Variants in TMEM200A observed in about 807,000 individuals in gnomAD.
TMEM200A encodes two transmembrane C.
TMEM200A carries 12 observed loss-of-function variants against 24.3 expected under a neutral mutation model. That is an observed-to-expected ratio of 0.49 (90% confidence interval 0.32 to 0.80). The LOEUF (loss-of-function observed/expected upper bound fraction) is 0.80, where lower values mean the gene tolerates loss of function less well. TMEM200A is among the 30% of genes least tolerant of loss of function. The pLI is 0.04. For synonymous variants in TMEM200A, 224 were observed against 224.4 expected, an observed-to-expected ratio of 1.00 and a Z score of 0.02; for missense variants, 545 against 614.4, an observed-to-expected ratio of 0.89 and a Z score of 1.19.
intron 1 of TMEM200A, among the ~76,000 whole-genome samples, chr6:130,380,723 A>G (rs1778576278): frequency 6.6e-6 from 1 of 152,228 alleles, no homozygotes; most frequent in African/African-American, 2.4e-5. Flanking sequence ...AAAAAATTCA[A>G]AATCAGCCTT....
chr6:130,429,683 TTA>T (rs1491561262), intron 2 of TMEM200A, among the ~76,000 whole-genome samples: 1 of 152,124 alleles, frequency 6.6e-6, no homozygotes, highest in Non-Finnish European at 1.5e-5. Flanking sequence ...GGAGAATGTT[TTA>T]AATATAATCT....
chr6:130,422,809 C>G (rs1386779084), intron 2 of TMEM200A, among the ~76,000 whole-genome samples: 1 of 152,082 alleles, frequency 6.6e-6, no homozygotes, highest in African/African-American at 2.4e-5. Flanking sequence ...CCCTTTCAAC[C>G]AACTATTTAA....
At chr6:130,390,724 G>C (rs1778814252) in intron 2 of TMEM200A, among the ~76,000 whole-genome samples, 1 of 152,178 alleles carries the variant, frequency 6.6e-6, no homozygotes, top group Non-Finnish European at 1.5e-5. Context: ...ATATCTGCTA[G>C]AATCAGATAT....
At chr6:130,408,297 C>A (rs1354998243) in intron 2 of TMEM200A, among the ~76,000 whole-genome samples, 1 of 152,156 alleles carries the variant, frequency 6.6e-6, no homozygotes, top group African/African-American at 2.4e-5. Context: ...GGCACTTTCC[C>A]AGATATTTTC....
intron 2 of TMEM200A, among the ~76,000 whole-genome samples, chr6:130,413,558 C>G (rs1779381131): frequency 1.3e-5 from 2 of 152,282 alleles, no homozygotes; most frequent in South Asian, 4.1e-4. Context: ...CTTGTCCTTT[C>G]ACCCGCCATG....
chr6:130,384,320 A>C (rs960586709), intron 1 of TMEM200A, among the ~76,000 whole-genome samples: 1 of 151,984 alleles, frequency 6.6e-6, no homozygotes, highest in African/African-American at 2.4e-5. Flanking sequence ...CTGTGTTTTT[A>C]TTTTTGTTTT....
At chr6:130,392,110 C>T (rs73771824) in intron 2 of TMEM200A, among the ~76,000 whole-genome samples, 3,839 of 152,216 alleles carry the variant, frequency 0.025, 167 homozygotes, top group African/African-American at 0.087. Context: ...TATTTAATAA[C>T]CCAGTGACCT....
At chr6:130,403,272 A>G (rs1779128553) in intron 2 of TMEM200A, among the ~76,000 whole-genome samples, 1 of 152,152 alleles carries the variant, frequency 6.6e-6, no homozygotes, top group South Asian at 2.1e-4. Flanking sequence ...AATTTTGATT[A>G]CAGTAGATCA....
At chr6:130,436,661 T>TTTTTTTTTTTTTTG (rs1583233845) in intron 2 of TMEM200A, among the ~76,000 whole-genome samples, 2 of 120,748 alleles carry the variant, frequency 1.7e-5, no homozygotes, top group Admixed American at 8.7e-5. Context: ...TTTTTTTTTT[T>TTTTTTTTTTTTTTG]TCAGAGAGAC....
intron 1 of TMEM200A, among the ~76,000 whole-genome samples, chr6:130,383,894 G>A (rs942585897): frequency 6.6e-6 from 1 of 152,118 alleles, no homozygotes; most frequent in Non-Finnish European, 1.5e-5. Context: ...GAGACGGGGG[G>A]GATCCCTTGA....
rs778891537 is a variant in TMEM200A at position 130,440,415 on chromosome 6, G to A, written c.-8G>A. ...TTTTTTTTCTTCTTCAGAGTAAAAG[G>A]CCAAGCTATGATAGCAACTGGTGGA... On this transcript the variant is annotated 5_prime_UTR_variant, in exon 3 of 3. Transcript: ENST00000296978. The A allele has an allele frequency of 4.6e-6, 7 of 1,537,396 alleles. No homozygotes were observed. Among genetic ancestry groups the A allele is most frequent in the Admixed American group, 2.2e-5 (1 of 45,288 alleles).
At chr6:130,421,107 C>T (rs192956934) in intron 2 of TMEM200A, 1 of 152,188 alleles carries the variant, frequency 6.6e-6, no homozygotes, top group Non-Finnish European at 1.5e-5. Context: ...AGCTCAGTGG[C>T]TCTCAAACCT....
rs371342424 is a variant in TMEM200A at position 130,391,818 on chromosome 6, C to T, written c.-17+6582C>T. On this transcript the variant is annotated intron_variant, in intron 2 of 2. Coordinates refer to ENST00000296978, the MANE Select transcript of TMEM200A (RefSeq NM_001258277.2). ...AGTGCAGTGGCACGATCTCGGCTCACTGCAAGCTCCACCTCCTGGGTTAAC... is the reference window on the plus strand; with the variant it reads ...AGTGCAGTGGCACGATCTCGGCTCATTGCAAGCTCCACCTCCTGGGTTAAC... Among the ~76,000 whole-genome samples, 11 of 141,176 alleles carry T rather than the reference C, an allele frequency of 7.8e-5. No individual in the cohort carries two copies. In the East Asian group the frequency reaches 1.5e-3, roughly 19 times the overall value. 92.6% of individuals were successfully genotyped at this position (141,176 alleles called of 152,430 possible).
At chr6:130,412,280 C>T (rs1779350271) in intron 2 of TMEM200A, among the ~76,000 whole-genome samples, 1 of 151,768 alleles carries the variant, frequency 6.6e-6, no homozygotes, top group Admixed American at 6.6e-5. Flanking sequence ...GTATTGCCGC[C>T]ACTCACAGGC....
chr6:130,426,471 C>CG (rs878942964), intron 2 of TMEM200A, among the ~76,000 whole-genome samples: 14 of 149,428 alleles, frequency 9.4e-5, no homozygotes, highest in African/African-American at 3.2e-4. Context: ...CCCCCCCCCC[C>CG]TCAGTTTCCC....
chr6:130,420,724 G>A (rs1423274771), intron 2 of TMEM200A, among the ~76,000 whole-genome samples: 1 of 152,220 alleles, frequency 6.6e-6, no homozygotes, highest in East Asian at 1.9e-4. Flanking sequence ...AAGTAACAGT[G>A]AGTGAAGAAC....
rs1283078291 is a variant in TMEM200A, at chr6:130,441,326, G to A, written c.904G>A (p.Glu302Lys). The change falls in exon 3 of 3, where the codon GAG becomes AAG. Residue 302 changes from glutamate to lysine, a missense_variant. By Grantham distance (56) the Glu-to-Lys change is moderately conservative (BLOSUM62 1). Transcript: ENST00000296978. ...VIKLNNCVID[E>K]PSIDNITEDA... The stretch of plus-strand genomic sequence containing the variant: ...CAAACTTAATAACTGTGTTATTGAT[G>A]AGCCCAGTATAGATAACATCACTGA... 4 of 1,614,048 alleles carry A rather than the reference G, an allele frequency of 2.5e-6. No homozygotes were observed. The highest frequency in any genetic ancestry group is 3.4e-6 in the Non-Finnish European group (4 of 1,179,984).
intron 1 of TMEM200A, among the ~76,000 whole-genome samples, chr6:130,384,218 GA>G (rs778817178): frequency 3.3e-4 from 51 of 152,284 alleles, no homozygotes; most frequent in Non-Finnish European, 4.1e-4. Context: ...TACCGTTTGT[GA>G]ATGCTTTTTG....
chr6:130,398,835 A>C (rs892862222), intron 2 of TMEM200A, among the ~76,000 whole-genome samples: 1 of 151,786 alleles, frequency 6.6e-6, no homozygotes, highest in African/African-American at 2.4e-5. Context: ...TTTTATAGTA[A>C]ATTCTTATTG....
Sources: gnomAD v4.1 joint callset for allele counts (sites outside exome capture counted in the v4.1 genomes callset) on GRCh38, gnomAD v4.1.1 for gene constraint, MANE v1.5 for transcripts, NCBI Gene and HGNC (gene_info 2026-07-23, HGNC 2026-07-21) for gene names.